Variants in KCTD1 observed in about 807,000 individuals in gnomAD.
KCTD1 encodes BTB/POZ domain-containing protein KCTD1.
A neutral mutation model predicts 66.0 loss-of-function variants in KCTD1; 24 were observed. That is an observed-to-expected ratio of 0.36 (90% CI 0.26 to 0.51). KCTD1 has a LOEUF of 0.51. Among genes scored for constraint, KCTD1 ranks in the 20% least tolerant of loss-of-function variants. The probability of loss-of-function intolerance (pLI) is 0.95; values close to 1 mark genes in which losing one functional copy is unlikely to be tolerated. For synonymous variants in KCTD1, 511 were observed against 517.2 expected (o/e 0.99, Z 0.16); for missense variants, 943 against 1,205.2 (o/e 0.78, Z 3.22).
intron 1 of KCTD1, among the ~76,000 whole-genome samples, chr18:26,558,602 C>T (rs1985765497): frequency 6.6e-6 from 1 of 152,132 alleles, no homozygotes; most frequent in African/African-American, 2.4e-5. Context: ...GGCTGGTATA[C>T]ACAATGGAGT....
At chr18:26,648,032 G>T (rs1427713539) in intron 1 of KCTD1, among the ~76,000 whole-genome samples, 10 of 152,006 alleles carry the variant, frequency 6.6e-5, no homozygotes, top group Admixed American at 3.9e-4. Context: ...TTTTAGTAGA[G>T]ACGGGGTTTC....
chr18:26,627,384 G>C (rs1348967741), intron 1 of KCTD1, among the ~76,000 whole-genome samples: 1 of 151,602 alleles, frequency 6.6e-6, no homozygotes, highest in Non-Finnish European at 1.5e-5. Flanking sequence ...TCGCTACCAG[G>C]GTGCATTTGA....
At chr18:26,656,145 G>C (rs1016547479) in intron 1 of KCTD1, among the ~76,000 whole-genome samples, 1 of 152,214 alleles carries the variant, frequency 6.6e-6, no homozygotes, top group African/African-American at 2.4e-5. Context: ...TTCAGACGGC[G>C]GAGGCCAGAG....
At chr18:26,604,202 C>A (rs1986962351) in intron 1 of KCTD1, among the ~76,000 whole-genome samples, 1 of 152,138 alleles carries the variant, frequency 6.6e-6, no homozygotes, top group Non-Finnish European at 1.5e-5. Flanking sequence ...CAAATCAAAA[C>A]CACAATGAAA....
At chr18:26,496,919 A>C (rs1454810044) in intron 2 of KCTD1, among the ~76,000 whole-genome samples, 1 of 152,218 alleles carries the variant, frequency 6.6e-6, no homozygotes, top group African/African-American at 2.4e-5. Flanking sequence ...GGTGCCATTC[A>C]GAGTCAGATG....
upstream of KCTD1, chr18:26,549,086 C>T (rs887279093): frequency 2.0e-6 from 2 of 985,050 alleles, no homozygotes; most frequent in South Asian, 4.7e-5. Flanking sequence ...AAACCCGTGT[C>T]TGGGGCCGCC....
At chr18:26,495,829 T>C (rs1479178590) in intron 2 of KCTD1, among the ~76,000 whole-genome samples, 2 of 152,114 alleles carry the variant, frequency 1.3e-5, no homozygotes, top group Non-Finnish European at 2.9e-5. Flanking sequence ...ACTTGATAGG[T>C]TCGATGAATT....
chr18:26,614,887 G>A (rs1430879125), intron 1 of KCTD1, among the ~76,000 whole-genome samples: 1 of 152,090 alleles, frequency 6.6e-6, no homozygotes, highest in Non-Finnish European at 1.5e-5. Flanking sequence ...TGTGGCACAA[G>A]TGTAAGAATA....
intron 1 of KCTD1, among the ~76,000 whole-genome samples, chr18:26,585,531 A>G (rs757641873): frequency 6.6e-5 from 10 of 152,326 alleles, no homozygotes; most frequent in Admixed American, 2.6e-4. Flanking sequence ...TTTAACTTTG[A>G]CAGAGTCTGG....
chr18:26,651,376 C>T (rs1045881857), intron 1 of KCTD1, among the ~76,000 whole-genome samples: 1 of 152,180 alleles, frequency 6.6e-6, no homozygotes, highest in African/African-American at 2.4e-5. Flanking sequence ...CTGCCACTAG[C>T]CTAGTCTTTG....
intron 1 of KCTD1, among the ~76,000 whole-genome samples, chr18:26,582,816 T>A (rs115800339): frequency 0.012 from 1,871 of 151,956 alleles, 45 homozygotes; most frequent in African/African-American, 0.042. Context: ...TTTTTTTTTT[T>A]AAAAGGATTT....
intron 1 of KCTD1, among the ~76,000 whole-genome samples, chr18:26,608,713 G>T (rs890137719): frequency 6.6e-6 from 1 of 152,102 alleles, no homozygotes; most frequent in African/African-American, 2.4e-5. Flanking sequence ...ATTGTGCACA[G>T]TGATGCTTTA....
intron 1 of KCTD1, among the ~76,000 whole-genome samples, chr18:26,531,298 C>G (rs1380718679): frequency 6.6e-6 from 1 of 151,804 alleles, no homozygotes; most frequent in Non-Finnish European, 1.5e-5. Flanking sequence ...TTGAGACCAG[C>G]CTGGGCAACA....
chr18:26,647,341 C>CG (rs1555649515), intron 1 of KCTD1, among the ~76,000 whole-genome samples: 1 of 109,722 alleles, frequency 9.1e-6, no homozygotes, highest in Non-Finnish European at 2.2e-5. Context: ...ACCCCCCCCC[C>CG]ATCTCTACTA....
At chr18:26,513,611 A>C (rs1983471027) in intron 1 of KCTD1, among the ~76,000 whole-genome samples, 2 of 152,230 alleles carry the variant, frequency 1.3e-5, no homozygotes, top group Admixed American at 1.3e-4. Context: ...CCAATGAGCT[A>C]TGTGGCCTTG....
intron 1 of KCTD1, 71 bp downstream of exon 1, chr18:26,546,657 G>A: frequency 6.8e-7 from 1 of 1,463,084 alleles, no homozygotes; most frequent in Non-Finnish European, 9.1e-7. Context: ...ACCCAGAGCT[G>A]CATTAGCACA....
At chr18:26,483,637 T>TC (rs1318027271) in intron 2 of KCTD1, among the ~76,000 whole-genome samples, 1 of 152,242 alleles carries the variant, frequency 6.6e-6, no homozygotes, top group African/African-American at 2.4e-5. Flanking sequence ...TTATGGTTAC[T>TC]AATTTGGATT....
chr18:26,648,286 A>G (rs1252264187), intron 1 of KCTD1, among the ~76,000 whole-genome samples: 1 of 152,216 alleles, frequency 6.6e-6, no homozygotes, highest in African/African-American at 2.4e-5. Flanking sequence ...CTGTGAGGCT[A>G]TAAATATCCA....
chr18:26,500,654 G>A lies in KCTD1; in HGVS notation c.1988+418C>T, dbSNP rs1374857798. ...TCTAAATATAATGCCTCACTGCTGA[G>A]AATCTCTTTTTTTTCTAGTTCACAA... On this transcript the variant is annotated intron_variant, in intron 2 of 4. Coordinates refer to ENST00000580059, the MANE Select transcript of KCTD1 (RefSeq NM_001142730.3). Among the ~76,000 whole-genome samples the A allele has an allele frequency of 2.0e-5, 3 of 152,108 alleles. No homozygotes were observed. The East Asian group carries it at 5.8e-4, about 29-fold the overall frequency.
Sources: allele counts gnomAD v4.1 joint callset (sites outside exome capture counted in the v4.1 genomes callset), GRCh38; gene constraint gnomAD v4.1.1; transcripts MANE v1.5; gene names NCBI Gene and HGNC (gene_info 2026-07-23, HGNC 2026-07-21).